Variants in MCC observed in about 807,000 individuals in gnomAD.
The protein encoded by MCC is colorectal mutant cancer protein.
A neutral mutation model predicts 116.2 loss-of-function variants in MCC; 90 were observed. The observed-to-expected ratio is 0.77, with a 90% CI of 0.65 to 0.92. The LOEUF is 0.92. MCC is among the 40% of genes least tolerant of loss of function. The probability of loss-of-function intolerance (pLI) is 0.00; values close to 1 mark genes in which losing one functional copy is unlikely to be tolerated. For synonymous variants in MCC, 578 were observed against 510.5 expected (o/e 1.13, Z -1.78); for missense variants, 1,516 against 1,312.2 (o/e 1.16, Z -2.40).
intron 3 of MCC, among the ~76,000 whole-genome samples, chr5:113,247,697 T>C (rs1443519287): frequency 6.6e-6 from 1 of 151,880 alleles, no homozygotes; most frequent in African/African-American, 2.4e-5. Flanking sequence ...GACAGATGGA[T>C]GTAACAAAGG....
At chr5:113,027,607 G>A (rs1056276) in intron 18 of MCC, 125 bp from the exon 19 acceptor site, 10 of 884,580 alleles carry the variant, frequency 1.1e-5, no homozygotes, top group East Asian at 4.9e-5. Flanking sequence ...CATCCTCTTC[G>A]GTAAGAATCT....
chr5:113,328,374 G>C (rs1200600300), intron 3 of MCC, among the ~76,000 whole-genome samples: 1 of 152,198 alleles, frequency 6.6e-6, no homozygotes, highest in Non-Finnish European at 1.5e-5. Flanking sequence ...ATCCATGACA[G>C]AGACTATTAC....
At chr5:113,347,608 C>T (rs1768166022) in intron 2 of MCC, among the ~76,000 whole-genome samples, 1 of 151,930 alleles carries the variant, frequency 6.6e-6, no homozygotes, top group Admixed American at 6.6e-5. Context: ...AATTAAACCA[C>T]ACCACCAGAG....
At chr5:113,047,317 G>A (rs1752161632) in intron 16 of MCC, among the ~76,000 whole-genome samples, 1 of 152,318 alleles carries the variant, frequency 6.6e-6, no homozygotes, top group Admixed American at 6.5e-5. Flanking sequence ...CCCTGCCTTG[G>A]TTCTGGCACG....
intron 1 of MCC, among the ~76,000 whole-genome samples, chr5:113,461,733 A>C (rs463249): frequency 0.69 from 99,934 of 145,164 alleles, 34,814 homozygotes; most frequent in East Asian, 0.88. Flanking sequence ...AGGATGAACA[A>C]CTTGCACCAG....
At chr5:113,083,647 G>A (rs995585669) in intron 10 of MCC, among the ~76,000 whole-genome samples, 1 of 152,124 alleles carries the variant, frequency 6.6e-6, no homozygotes, top group South Asian at 2.1e-4. Flanking sequence ...GAAAACTCTG[G>A]AACTAAAGTG....
chr5:113,273,883 T>C (rs1027841715), intron 3 of MCC, among the ~76,000 whole-genome samples: 12 of 152,124 alleles, frequency 7.9e-5, no homozygotes, highest in African/African-American at 2.7e-4. Context: ...TCTGTTCCTG[T>C]CTCCTTCCTT....
At position 113,082,966 on chromosome 5, in the gene MCC, C is replaced by G; in HGVS notation, c.1678G>C (p.Asp560His). The change falls in exon 11 of 19, where the codon GAC (aspartate) becomes CAC (histidine). Residue 560 changes from aspartate to histidine, a missense_variant. Transcript: ENST00000408903. ...VAEHLAHSLQ[D>H]CSNIQEIFQT... Reference sequence around the variant, plus strand: ...AAAATCTCTTGGATATTGGAGCAGTCCTGAAGTGAGTGGGCCAGGTGTTCA... The same window carrying G: ...AAAATCTCTTGGATATTGGAGCAGTGCTGAAGTGAGTGGGCCAGGTGTTCA... 2 of 1,614,124 alleles carry G rather than the reference C, an allele frequency of 1.2e-6. No individual in the cohort carries two copies. The highest frequency in any genetic ancestry group is 1.7e-6 in the Non-Finnish European group (2 of 1,180,016).
At chr5:113,129,043 T>C (rs1758266950) in intron 5 of MCC, among the ~76,000 whole-genome samples, 1 of 152,186 alleles carries the variant, frequency 6.6e-6, no homozygotes, top group Non-Finnish European at 1.5e-5. Context: ...AGATAGAGAC[T>C]CTGGGATGTT....
At chr5:113,244,703 G>A (rs1186346142) in intron 3 of MCC, among the ~76,000 whole-genome samples, 2 of 152,216 alleles carry the variant, frequency 1.3e-5, no homozygotes, top group Non-Finnish European at 2.9e-5. Context: ...TGAGTTTACT[G>A]ATTTCCACTC....
chr5:113,126,806 T>A (rs1302896932), intron 5 of MCC, among the ~76,000 whole-genome samples: 1 of 152,234 alleles, frequency 6.6e-6, no homozygotes, highest in Non-Finnish European at 1.5e-5. Flanking sequence ...TGGTGAGTCA[T>A]GAGCTATGTG....
chr5:113,454,119 AAAATT>A (rs1314539304), intron 1 of MCC, among the ~76,000 whole-genome samples: 2 of 152,228 alleles, frequency 1.3e-5, no homozygotes, highest in Non-Finnish European at 2.9e-5. Context: ...CTCAAAAAAA[AAAATT>A]AAAGTAATAA....
chr5:113,120,914 G>A (rs1303974058), intron 6 of MCC, among the ~76,000 whole-genome samples: 1 of 152,042 alleles, frequency 6.6e-6, no homozygotes, highest in East Asian at 1.9e-4. Flanking sequence ...AAACCCATGG[G>A]CAAACAAAAC....
intron 6 of MCC, among the ~76,000 whole-genome samples, chr5:113,106,929 A>G (rs1756771973): frequency 6.6e-6 from 1 of 152,172 alleles, no homozygotes; most frequent in Admixed American, 6.5e-5. Context: ...TAAAGCATGG[A>G]GTTTCACCTC....
intron 11 of MCC, 120 bp from the exon 12 acceptor site, chr5:113,071,354 A>G (rs1754029282): frequency 1.0e-6 from 1 of 963,872 alleles, no homozygotes. Context: ...TCAGATTAGT[A>G]GCTGACACAG....
At chr5:113,205,557 G>C (rs1762880487) in intron 3 of MCC, among the ~76,000 whole-genome samples, 1 of 152,184 alleles carries the variant, frequency 6.6e-6, no homozygotes, top group African/African-American at 2.4e-5. Flanking sequence ...CTTAAGCAAT[G>C]CATTTGAAGA....
rs553912929 is a variant in MCC, at chr5:113,100,575, G to A, written c.1398+1164C>T. On this transcript the variant is annotated intron_variant, in intron 8 of 18. Transcript: ENST00000408903. Reference sequence around the variant, plus strand: ...CAACCCCCGCCTCCCGGGTTCAAGCGATTCTCCTGCCTCAGCCTCTCAAGT... The same window carrying A: ...CAACCCCCGCCTCCCGGGTTCAAGCAATTCTCCTGCCTCAGCCTCTCAAGT... Among the ~76,000 whole-genome samples, 6 of 144,592 alleles carry A rather than the reference G, an allele frequency of 4.1e-5. 1 individual carries two copies. The highest frequency in any genetic ancestry group is 7.5e-5 in the Non-Finnish European group (5 of 67,062). 94.9% of individuals were successfully genotyped at this position (144,592 alleles called of 152,430 possible).
chr5:113,136,136 C>T (rs982512768), intron 5 of MCC, among the ~76,000 whole-genome samples: 5 of 152,166 alleles, frequency 3.3e-5, no homozygotes, highest in Admixed American at 6.5e-5. Context: ...ATATGCATAG[C>T]GTAGCCATTG....
At chr5:113,093,332 A>T (rs547129471) in intron 8 of MCC, among the ~76,000 whole-genome samples, 1 of 152,168 alleles carries the variant, frequency 6.6e-6, no homozygotes, top group African/African-American at 2.4e-5. Flanking sequence ...CTACTCAGGC[A>T]GCTTGCTATG....
Sources: allele counts gnomAD v4.1 joint callset (sites outside exome capture counted in the v4.1 genomes callset), GRCh38; gene constraint gnomAD v4.1.1; transcripts MANE v1.5; gene names NCBI Gene and HGNC (gene_info 2026-07-23, HGNC 2026-07-21).